Variants in MMS22L observed in about 807,000 individuals in gnomAD.
The protein encoded by MMS22L is MMS22 like, DNA repair protein.
In MMS22L, 74 loss-of-function variants were observed where a neutral mutation model predicts 159.1. The ratio of observed to expected loss-of-function variants is 0.47; its 90% CI spans 0.39 to 0.56. The LOEUF is 0.56. MMS22L is among the 20% of genes least tolerant of loss of function. The pLI, the probability that MMS22L is intolerant of heterozygous loss-of-function variation, is 0.00. For synonymous variants in MMS22L, 517 were observed against 506.9 expected (o/e 1.02, Z -0.27); for missense variants, 1,351 against 1,422.1 (o/e 0.95, Z 0.80).
chr6:97,161,305 C>T (rs1419785330), intron 22 of MMS22L, among the ~76,000 whole-genome samples: 2 of 152,022 alleles, frequency 1.3e-5, no homozygotes, highest in Non-Finnish European at 2.9e-5. Context: ...TTTCCCTGAT[C>T]ACACTCAGCT....
intron 1 of MMS22L, among the ~76,000 whole-genome samples, 159 bp from the exon 2 acceptor site, chr6:97,282,712 C>A (rs1167239104): frequency 6.6e-6 from 1 of 152,152 alleles, no homozygotes; most frequent in African/African-American, 2.4e-5. Context: ...GAACTTAAGA[C>A]AAAATGCACA....
intron 12 of MMS22L, among the ~76,000 whole-genome samples, chr6:97,233,231 G>A (rs929096335): frequency 2.0e-5 from 3 of 152,052 alleles, no homozygotes; most frequent in Admixed American, 6.5e-5. Flanking sequence ...ATAGTTATCC[G>A]AGGCCTATAA....
At chr6:97,204,758 G>C (rs1012416287) in intron 14 of MMS22L, among the ~76,000 whole-genome samples, 1 of 138,456 alleles carries the variant, frequency 7.2e-6, no homozygotes, top group Non-Finnish European at 1.5e-5. Flanking sequence ...TCGTGCCATT[G>C]CACTCCAGCC....
chr6:97,259,467 C>T (rs1202681585), intron 9 of MMS22L: 1 of 152,084 alleles, frequency 6.6e-6, no homozygotes, highest in African/African-American at 2.4e-5. Flanking sequence ...ACAAAAAGTC[C>T]TCCGAGGGTA....
intron 10 of MMS22L, among the ~76,000 whole-genome samples, chr6:97,251,687 T>C (rs1441838587): frequency 2.6e-5 from 4 of 152,216 alleles, no homozygotes; most frequent in African/African-American, 9.6e-5. Context: ...CTGACAAATA[T>C]TAAAAGACGC....
intron 7 of MMS22L, among the ~76,000 whole-genome samples, 181 bp from the exon 8 acceptor site, chr6:97,268,183 A>C (rs1186663824): frequency 6.6e-6 from 1 of 151,670 alleles, no homozygotes; most frequent in Non-Finnish European, 1.5e-5. Flanking sequence ...ATTATCTTCA[A>C]AAGTTTCTTT....
chr6:97,176,027 T>C (rs1050935006), intron 18 of MMS22L, among the ~76,000 whole-genome samples: 2 of 152,168 alleles, frequency 1.3e-5, no homozygotes, highest in African/African-American at 4.8e-5. Flanking sequence ...TAAGTGCACT[T>C]TGCATTGTCG....
intron 20 of MMS22L, among the ~76,000 whole-genome samples, chr6:97,166,708 A>C (rs1159160070): frequency 6.6e-6 from 1 of 152,106 alleles, no homozygotes; most frequent in Non-Finnish European, 1.5e-5. Flanking sequence ...CAAACTTTTA[A>C]ATTTACCACT....
At chr6:97,254,534 GT>G (rs1451793762) in intron 10 of MMS22L, 22 bp downstream of exon 10, 1 of 1,599,126 alleles carries the variant, frequency 6.3e-7, no homozygotes, top group East Asian at 2.2e-5. Flanking sequence ...ATATAAGAAA[GT>G]TTTTAAAAAA....
intron 14 of MMS22L, among the ~76,000 whole-genome samples, chr6:97,208,284 T>C (rs545451962): frequency 6.6e-6 from 1 of 152,240 alleles, no homozygotes; most frequent in East Asian, 1.9e-4. Flanking sequence ...CTAGTTTCCT[T>C]GCTTAAAGTT....
chr6:97,154,792 T>C (rs1251542387), intron 22 of MMS22L, among the ~76,000 whole-genome samples: 19 of 152,204 alleles, frequency 1.2e-4, no homozygotes, highest in Admixed American at 9.2e-4. Flanking sequence ...TCTGAACGCT[T>C]AATTCTATTC....
chr6:97,216,993 C>T (rs1259160557), intron 14 of MMS22L, among the ~76,000 whole-genome samples: 2 of 151,990 alleles, frequency 1.3e-5, no homozygotes, highest in African/African-American at 4.8e-5. Flanking sequence ...TTTCCTTCTC[C>T]TTTTATCCAA....
At chr6:97,163,741 T>C (rs540834494) in intron 21 of MMS22L, among the ~76,000 whole-genome samples, 1 of 152,172 alleles carries the variant, frequency 6.6e-6, no homozygotes, top group African/African-American at 2.4e-5. Context: ...GAAACATACA[T>C]GGTACACTGA....
intron 20 of MMS22L, among the ~76,000 whole-genome samples, chr6:97,166,001 T>C (rs140925424): frequency 1.3e-5 from 2 of 152,298 alleles, no homozygotes. Flanking sequence ...TGCTTTATAT[T>C]CACTATTTCA....
rs59258093 is a variant in MMS22L, at chr6:97,153,364, CTTTTTT to C, written c.3386-1503_3386-1498del. On this transcript the variant is annotated intron_variant, in intron 22 of 24. Transcript: ENST00000683635. ...TAACCTACTTTCTGTCTCTACAGATCTTTTTTTTTTTTTTTTTTTTTTTTTGAGACG... is the reference window on the plus strand; with the variant it reads ...TAACCTACTTTCTGTCTCTACAGATCTTTTTTTTTTTTTTTTTTTGAGACG... Among the ~76,000 whole-genome samples, 313 of 78,094 alleles carry C rather than the reference CTTTTTT, an allele frequency of 4.0e-3. 3 individuals are homozygous for C. Among genetic ancestry groups the C allele is most frequent in the African/African-American group, 0.015 (276 of 18,122 alleles). The allele number at this position is 78,094 out of a possible 152,430, so 51.2% of individuals were successfully genotyped here.
chr6:97,197,372 G>T (rs1312731580), intron 14 of MMS22L, among the ~76,000 whole-genome samples: 3 of 152,110 alleles, frequency 2.0e-5, no homozygotes, highest in Non-Finnish European at 4.4e-5. Context: ...AAAAGAGGGG[G>T]AGATTATGGC....
intron 14 of MMS22L, among the ~76,000 whole-genome samples, chr6:97,208,300 A>G (rs1808002753): frequency 1.3e-5 from 2 of 152,114 alleles, no homozygotes; most frequent in African/African-American, 4.8e-5. Context: ...AAGTTTGCTT[A>G]AAGTTCTCTT....
chr6:97,247,972 G>A (rs561102059), intron 10 of MMS22L, among the ~76,000 whole-genome samples: 1 of 152,306 alleles, frequency 6.6e-6, no homozygotes, highest in South Asian at 2.1e-4. Context: ...AAAGAGCACA[G>A]TGAGTATGGT....
At chr6:97,251,858 C>A (rs535869844) in intron 10 of MMS22L, among the ~76,000 whole-genome samples, 2 of 151,814 alleles carry the variant, frequency 1.3e-5, no homozygotes, top group African/African-American at 4.8e-5. Context: ...CCGAAGCGGG[C>A]GGATCACGAG....
Sources: allele counts gnomAD v4.1 joint callset (sites outside exome capture counted in the v4.1 genomes callset), GRCh38; gene constraint gnomAD v4.1.1; transcripts MANE v1.5; gene names NCBI Gene and HGNC (gene_info 2026-07-23, HGNC 2026-07-21).